The following SDK2 variants were observed in gnomAD, a reference collection of about 807,000 sequenced individuals.
The protein encoded by SDK2 is sidekick cell adhesion molecule 2, also known as protein sidekick-2.
A neutral mutation model predicts 253.9 loss-of-function variants in SDK2; 105 were observed. That is an observed-to-expected ratio of 0.41 (90% CI 0.35 to 0.49). SDK2 has a LOEUF of 0.49. Among genes scored for constraint, SDK2 ranks in the 20% least tolerant of loss-of-function variants. SDK2 has a pLI of 0.06. For missense variants in SDK2, 2,608 were observed against 3,003.0 expected (o/e 0.87, Z 3.07); for synonymous variants, 1,249 against 1,234.9 (o/e 1.01, Z -0.24).
At chr17:73,471,774 C>A (rs2063652887) in intron 3 of SDK2, among the ~76,000 whole-genome samples, 1 of 152,120 alleles carries the variant, frequency 6.6e-6, no homozygotes, top group Non-Finnish European at 1.5e-5. Flanking sequence ...AAACACAAAT[C>A]AGCTGGTCCC....
rs938872829 is a variant in SDK2 at position 73,616,310 on chromosome 17, C to T, written c.64+27715G>A. The stretch of plus-strand genomic sequence containing the variant: ...CCTGTCTGAGCTAGACAAATTTCCA[C>T]CCCCGGCTCCCCACCTCAACAGTCT... On this transcript the variant is annotated intron_variant, in intron 1 of 44. Coordinates refer to ENST00000392650, the MANE Select transcript of SDK2 (RefSeq NM_001144952.2). The surrounding 1 kb of genome is among the most constrained non-coding windows in gnomAD (Gnocchi z 5.2). Among the ~76,000 whole-genome samples, 24 of 152,116 alleles carry T rather than the reference C, an allele frequency of 1.6e-4. No homozygotes were observed. The highest frequency in any genetic ancestry group is 5.5e-4 in the African/African-American group (23 of 41,482).
At chr17:73,595,965 C>G (rs552017971) in intron 1 of SDK2, among the ~76,000 whole-genome samples, 1 of 148,306 alleles carries the variant, frequency 6.7e-6, no homozygotes, top group Non-Finnish European at 1.5e-5. Context: ...GCCCTTGACA[C>G]ATAGGATTGC....
At chr17:73,411,278 T>C (rs1217444892) in intron 18 of SDK2, among the ~76,000 whole-genome samples, 1 of 152,180 alleles carries the variant, frequency 6.6e-6, no homozygotes, top group Non-Finnish European at 1.5e-5. Flanking sequence ...AAACTCCTCT[T>C]CATTATTTCA....
intron 1 of SDK2, among the ~76,000 whole-genome samples, chr17:73,558,121 A>G (rs1408145311): frequency 6.6e-6 from 1 of 152,220 alleles, no homozygotes; most frequent in East Asian, 1.9e-4. Context: ...CCTGGGAGTG[A>G]AGCGCCTTCT....
chr17:73,506,038 C>A (rs2063933368), intron 2 of SDK2, among the ~76,000 whole-genome samples: 1 of 152,252 alleles, frequency 6.6e-6, no homozygotes, highest in Non-Finnish European at 1.5e-5. Context: ...CCTCCTGGAT[C>A]CTGCCTCCGG....
At chr17:73,590,056 C>CTTGCTGT (rs1662607994) in intron 1 of SDK2, among the ~76,000 whole-genome samples, 1 of 152,352 alleles carries the variant, frequency 6.6e-6, no homozygotes, top group African/African-American at 2.4e-5. Context: ...CAGCCAGTTA[C>CTTGCTGT]AGACTCTTAC....
chr17:73,539,479 G>A (rs1212160013), intron 1 of SDK2, among the ~76,000 whole-genome samples: 1 of 150,504 alleles, frequency 6.6e-6, no homozygotes, highest in Non-Finnish European at 1.5e-5. Flanking sequence ...AGATGGGGAC[G>A]CTGATGGGGA....
Position 73,365,325 on chromosome 17 carries a change from G to T in SDK2, c.5238C>A (p.Ala1746=), listed in dbSNP as rs1481247764. The change falls in exon 38 of 45, where the codon GCC becomes GCA. Residue 1746 remains alanine (A), a synonymous_variant. Transcript: ENST00000392650. ...CCAGGATGCCATTGGGGAACTGCGG[G>T]GCTTCCCAGGACACATTCACTGAGG... ...TTTSVNVSWE[A]PQFPNGILEG... The T allele has an allele frequency of 6.2e-7, 1 of 1,613,104 alleles. No individual in the cohort carries two copies. Among genetic ancestry groups the T allele is most frequent in the Non-Finnish European group, 8.5e-7 (1 of 1,179,538 alleles).
chr17:73,411,707 A>C (rs1043177440), intron 18 of SDK2, among the ~76,000 whole-genome samples: 1 of 152,008 alleles, frequency 6.6e-6, no homozygotes, highest in Non-Finnish European at 1.5e-5. Context: ...TCTGTGTTCC[A>C]GGATGGGAGG....
At chr17:73,514,920 A>G (rs1176756866) in intron 1 of SDK2, among the ~76,000 whole-genome samples, 1 of 152,110 alleles carries the variant, frequency 6.6e-6, no homozygotes, top group Non-Finnish European at 1.5e-5. Context: ...CTGGTGGACC[A>G]CACACCTGAG....
At chr17:73,342,105 C>A (rs1325085144) in intron 44 of SDK2, among the ~76,000 whole-genome samples, 4 of 151,706 alleles carry the variant, frequency 2.6e-5, no homozygotes, top group African/African-American at 9.7e-5. Context: ...CACCCCGACT[C>A]CCAGCAGGAA....
At chr17:73,516,039 C>T (rs1397237028) in intron 1 of SDK2, among the ~76,000 whole-genome samples, 1 of 152,146 alleles carries the variant, frequency 6.6e-6, no homozygotes, top group Non-Finnish European at 1.5e-5. Context: ...ATCATTCCAC[C>T]TGTTTCCCGC....
rs530563887 is a variant in SDK2, at chr17:73,440,785, G to A, written c.725+27C>T. 275 of 1,489,058 alleles carry A rather than the reference G, an allele frequency of 1.8e-4. 3 individuals carry two copies. Among genetic ancestry groups the A allele is most frequent in the Non-Finnish European group, 2.2e-4 (238 of 1,090,648 alleles). 92.2% of individuals were successfully genotyped at this position (1,489,058 alleles called of 1,614,324 possible). ...GAGCAGCAGCTGGAGTTACGGGTGC[G>A]GGAGCGAGGGAAGATGCACTACCTA... On this transcript the variant is annotated intron_variant, in intron 6 of 44. Transcript: ENST00000392650.
intron 32 of SDK2, among the ~76,000 whole-genome samples, chr17:73,385,361 T>C (rs1410470866): frequency 6.6e-6 from 1 of 152,110 alleles, no homozygotes; most frequent in African/African-American, 2.4e-5. Flanking sequence ...AAGGGGGGCA[T>C]TTCTCTCTAC....
In SDK2 at chr17:73,455,823, A is replaced by T. The variant is rs1736911952; in HGVS notation, c.479+83T>A. On this transcript the variant is annotated intron_variant, in intron 4 of 44. Coordinates refer to ENST00000392650, the MANE Select transcript of SDK2 (RefSeq NM_001144952.2). The surrounding 1 kb of genome is among the most constrained non-coding windows in gnomAD (Gnocchi z 5.0). ...CTTCTGCACAAAGGCCCTCCTCCAC[A>T]CTCAAGGGAGACTTTATCTGGCCCC... 7.0e-7 allele frequency: 1 copy of T among 1,424,068 alleles called. No homozygotes were observed. The highest frequency in any genetic ancestry group is 1.4e-5 in the South Asian group (1 of 72,154). The allele number at this position is 1,424,068 out of a possible 1,614,324, so 88.2% of individuals were successfully genotyped here.
chr17:73,405,636 G>GCAGATA (rs1223923571), intron 18 of SDK2, among the ~76,000 whole-genome samples: 1 of 150,472 alleles, frequency 6.6e-6, no homozygotes, highest in East Asian at 1.9e-4. Flanking sequence ...AGGACCGCCC[G>GCAGATA]CAGATACCAA....
intron 44 of SDK2, among the ~76,000 whole-genome samples, chr17:73,340,898 C>T (rs1265044137): frequency 6.6e-6 from 1 of 151,782 alleles, no homozygotes; most frequent in Non-Finnish European, 1.5e-5. Context: ...CATGTGCCAC[C>T]ACATCTGGCT....
In SDK2 at chr17:73,402,064, G is replaced by T. The variant is rs777255747; in HGVS notation, c.2562C>A (p.His854Gln). The change falls in exon 19 of 45, where the codon CAC (histidine) becomes CAA (glutamine). Residue 854 changes from histidine to glutamine, a missense_variant. By Grantham distance (24) the His-to-Gln change is conservative (BLOSUM62 0). Around this residue, in one of 2 missense-constraint regions of SDK2, gnomAD observed 1,505 missense variants for 1,859.1 expected, o/e 0.81. Transcript: ENST00000392650. Reference sequence around the variant, plus strand: ...TCTTCAGGCCAGACACGAAGCCCACGTGGATGCTGTCTTGAAAGTTAGGCC... The same window carrying T: ...TCTTCAGGCCAGACACGAAGCCCACTTGGATGCTGTCTTGAAAGTTAGGCC... ...TARPNFQDSI[H>Q]VGFVSGLKKF... The T allele has an allele frequency of 6.2e-7, 1 of 1,613,940 alleles. No individual in the cohort carries two copies. The highest frequency in any genetic ancestry group is 1.3e-5 in the African/African-American group (1 of 74,944).
intron 40 of SDK2, among the ~76,000 whole-genome samples, chr17:73,356,235 G>A (rs2062591256): frequency 6.6e-6 from 1 of 152,158 alleles, no homozygotes; most frequent in African/African-American, 2.4e-5. Flanking sequence ...GATCATTGAG[G>A]CCCCTGCTGC....
Sources: allele counts gnomAD v4.1 joint callset (sites outside exome capture counted in the v4.1 genomes callset), GRCh38; gene constraint gnomAD v4.1.1; regional missense constraint gnomAD v4.1.1; non-coding constraint Gnocchi (gnomAD v3.1); transcripts MANE v1.5; gene names NCBI Gene and HGNC (gene_info 2026-07-23, HGNC 2026-07-21).